The following RORA variants were observed in gnomAD, a reference collection of about 807,000 sequenced individuals.
The protein encoded by RORA is RAR related orphan receptor A.
A neutral mutation model predicts 69.5 loss-of-function variants in RORA; 7 were observed. The observed-to-expected ratio is 0.10, with a 90% CI of 0.06 to 0.19. RORA has a LOEUF of 0.19. Among genes scored for constraint, RORA ranks in the 10% least tolerant of loss-of-function variants. RORA has a pLI of 1.00. For missense variants in RORA, 457 were observed against 663.0 expected, an observed-to-expected ratio of 0.69 and a Z score of 3.41; for synonymous variants, 261 against 240.8, an observed-to-expected ratio of 1.08 and a Z score of -0.78.
At chr15:60,999,812 G>A (rs780732757) in intron 1 of RORA, among the ~76,000 whole-genome samples, 11 of 152,140 alleles carry the variant, frequency 7.2e-5, no homozygotes, top group South Asian at 2.1e-4. Context: ...GACCCCACCC[G>A]TTCTGAATTG....
chr15:61,075,830 G>A (rs1595953904), intron 1 of RORA, among the ~76,000 whole-genome samples: 1 of 152,118 alleles, frequency 6.6e-6, no homozygotes, highest in South Asian at 2.1e-4. Context: ...ACACGCAGTG[G>A]AGAAGCAAGC....
intron 1 of RORA, among the ~76,000 whole-genome samples, chr15:60,967,028 A>G (rs1893571155): frequency 6.6e-6 from 1 of 152,194 alleles, no homozygotes; most frequent in African/African-American, 2.4e-5. Flanking sequence ...ACCCAAAATG[A>G]TTATCCATGA....
chr15:60,959,141 C>A (rs1028898004), intron 1 of RORA, among the ~76,000 whole-genome samples: 3 of 152,168 alleles, frequency 2.0e-5, no homozygotes, highest in African/African-American at 7.2e-5. Flanking sequence ...ACAGCCATTG[C>A]CATTAGGTAC....
chr15:60,901,728 C>G (rs992824752), intron 1 of RORA, among the ~76,000 whole-genome samples: 3 of 152,212 alleles, frequency 2.0e-5, no homozygotes, highest in African/African-American at 7.2e-5. Context: ...CAAACTCTGG[C>G]ATCAGGTTGG....
chr15:60,745,918 C>T (rs2071641729), intron 1 of RORA, among the ~76,000 whole-genome samples: 1 of 152,106 alleles, frequency 6.6e-6, no homozygotes, highest in African/African-American at 2.4e-5. Context: ...TGTGTATTTC[C>T]AGCACTCAGC....
At chr15:61,008,201 CTCTGTGTGTGTGTGTGTG>C (rs1465955357) in intron 1 of RORA, among the ~76,000 whole-genome samples, 41 of 106,710 alleles carry the variant, frequency 3.8e-4, no homozygotes, top group South Asian at 1.9e-3. Context: ...TTCTCTCTCT[CTCTGTGTGTGTGTGTGTG>C]TGTGTGTGTG....
chr15:60,948,998 G>T (rs984996008), intron 1 of RORA, among the ~76,000 whole-genome samples: 1 of 152,204 alleles, frequency 6.6e-6, no homozygotes, highest in African/African-American at 2.4e-5. Flanking sequence ...TTGAGTAGAA[G>T]TATATTCTGA....
At chr15:60,795,419 G>A (rs2072481132) in intron 1 of RORA, among the ~76,000 whole-genome samples, 1 of 152,194 alleles carries the variant, frequency 6.6e-6, no homozygotes, top group South Asian at 2.1e-4. Context: ...AAACTGTGTT[G>A]GAAAGGGCAG....
chr15:60,586,073 C>T (rs928811321), intron 2 of RORA, among the ~76,000 whole-genome samples: 5 of 152,094 alleles, frequency 3.3e-5, no homozygotes, highest in Non-Finnish European at 7.4e-5. Flanking sequence ...TTTGATTTTC[C>T]TGGATACTTA....
Position 61,166,270 on chromosome 15 carries a change from C to T in RORA, c.166+62783G>A, listed in dbSNP as rs1435032454. 2.0e-5 allele frequency among the ~76,000 whole-genome samples: 3 copies of T among 152,232 alleles called. No individual in the cohort carries two copies. The South Asian group carries it at 6.2e-4, about 32-fold the overall frequency. On this transcript the variant is annotated intron_variant, in intron 1 of 10. Transcript: ENST00000335670. Reference sequence around the variant, plus strand: ...CAGTATTCACGATCTATTAAACTGACCAGTTTCTACTAAATACCTACAACA... The same window carrying T: ...CAGTATTCACGATCTATTAAACTGATCAGTTTCTACTAAATACCTACAACA...
chr15:60,817,072 T>C lies in RORA; in HGVS notation c.167-138386A>G, dbSNP rs188089311. Among the ~76,000 whole-genome samples the C allele has an allele frequency of 1.2e-3, 177 of 152,340 alleles. 1 individual carries two copies. Among genetic ancestry groups the C allele is most frequent in the African/African-American group, 3.8e-3 (159 of 41,574 alleles). ...TACAATGTGGTGGTTATGATACACGTATGCATTGTGAAATGAACATATCAT... is the reference window on the plus strand; with the variant it reads ...TACAATGTGGTGGTTATGATACACGCATGCATTGTGAAATGAACATATCAT... On this transcript the variant is annotated intron_variant, in intron 1 of 10. Transcript: ENST00000335670.
In RORA at chr15:60,948,742, C is replaced by T. The variant is rs888492259; in HGVS notation, c.167-270056G>A. ...GATCTTCCAATTCTAGCCCTAGATTCTTCCCATCCCCCACAACAAATATAA... is the reference window on the plus strand; with the variant it reads ...GATCTTCCAATTCTAGCCCTAGATTTTTCCCATCCCCCACAACAAATATAA... On this transcript the variant is annotated intron_variant, in intron 1 of 10. Transcript: ENST00000335670. Among the ~76,000 whole-genome samples the T allele has an allele frequency of 3.9e-5, 6 of 152,332 alleles. No homozygotes were observed. The East Asian group carries it at 1.2e-3, about 29-fold the overall frequency.
intron 1 of RORA, among the ~76,000 whole-genome samples, chr15:60,915,112 T>TA (rs1478679836): frequency 6.6e-6 from 1 of 152,208 alleles, no homozygotes; most frequent in Non-Finnish European, 1.5e-5. Flanking sequence ...TATCTAATTC[T>TA]AAAAACTCAG....
intron 2 of RORA, among the ~76,000 whole-genome samples, chr15:60,585,609 G>A (rs1278086172): frequency 6.6e-6 from 1 of 152,086 alleles, no homozygotes; most frequent in Non-Finnish European, 1.5e-5. Flanking sequence ...ATATTCAAGG[G>A]TTGGGAATTA....
chr15:61,054,591 T>A (rs991537771), intron 1 of RORA, among the ~76,000 whole-genome samples: 1 of 152,164 alleles, frequency 6.6e-6, no homozygotes, highest in East Asian at 1.9e-4. Flanking sequence ...TCTAATAAGG[T>A]CCCTTCAATG....
At chr15:61,214,727 G>T (rs1232826438) in intron 1 of RORA, among the ~76,000 whole-genome samples, 1 of 152,078 alleles carries the variant, frequency 6.6e-6, no homozygotes, top group African/African-American at 2.4e-5. Flanking sequence ...AAGTTTTCAG[G>T]ACCTCCCTGC....
At chr15:61,223,002 T>A (rs1231739488) in intron 1 of RORA, among the ~76,000 whole-genome samples, 2 of 152,132 alleles carry the variant, frequency 1.3e-5, no homozygotes, top group Non-Finnish European at 2.9e-5. Flanking sequence ...AAATATAATA[T>A]CCTTCCTGAA....
intron 1 of RORA, among the ~76,000 whole-genome samples, chr15:60,989,596 C>T (rs1894310357): frequency 6.6e-6 from 1 of 152,168 alleles, no homozygotes; most frequent in Non-Finnish European, 1.5e-5. Context: ...TGCTTTACGT[C>T]TGCTTTAAGA....
At chr15:61,072,760 C>T (rs994733783) in intron 1 of RORA, among the ~76,000 whole-genome samples, 4 of 152,198 alleles carry the variant, frequency 2.6e-5, no homozygotes, top group African/African-American at 9.7e-5. Flanking sequence ...AGACATATAT[C>T]TGAGGCTACC....
Sources: allele counts gnomAD v4.1 joint callset (sites outside exome capture counted in the v4.1 genomes callset), GRCh38; gene constraint gnomAD v4.1.1; transcripts MANE v1.5; gene names NCBI Gene and HGNC (gene_info 2026-07-23, HGNC 2026-07-21).